B3GAT2: variants seen among roughly 807,000 people sequenced by gnomAD.
B3GAT2 encodes the protein galactosylgalactosylxylosylprotein 3-beta-glucuronosyltransferase 2.
Under a neutral mutation model 27.8 loss-of-function variants are expected in B3GAT2, and 26 were observed. That is an observed-to-expected ratio of 0.93 (90% CI 0.68 to 1.30). The LOEUF (loss-of-function observed/expected upper bound fraction) is 1.30. Ranked by LOEUF, B3GAT2 falls within the 50% of genes most tolerant of loss-of-function variation. B3GAT2 has a pLI of 0.00. For missense variants in B3GAT2, 458 were observed against 459.0 expected (o/e 1.00, Z 0.02); for synonymous variants, 218 against 195.1 (o/e 1.12, Z -0.98).
At chr6:70,871,324 G>A (rs781587799) in intron 2 of B3GAT2, among the ~76,000 whole-genome samples, 3 of 147,858 alleles carry the variant, frequency 2.0e-5, no homozygotes, top group Non-Finnish European at 4.5e-5. Flanking sequence ...TGGAGGATTT[G>A]TGAAGAATTG....
rs575024890 is a variant in B3GAT2, at chr6:70,890,625, T to G, written c.736+3503A>C. ...AAACCTGAGGAGATTGTGGGAAACA[T>G]CCAGTGTAGTCAGTTGATCAGAAGT... On this transcript the variant is annotated intron_variant, in intron 2 of 3. Transcript: ENST00000230053. Among the ~76,000 whole-genome samples the G allele has an allele frequency of 3.9e-5, 6 of 152,306 alleles. No individual in the cohort carries two copies. In the South Asian group the frequency reaches 1.2e-3, roughly 32 times the overall value.
intron 1 of B3GAT2, among the ~76,000 whole-genome samples, chr6:70,953,257 G>A (rs1162867369): frequency 6.6e-6 from 1 of 152,084 alleles, no homozygotes; most frequent in African/African-American, 2.4e-5. Context: ...CTGGTCCTAC[G>A]TTTTCTCCAG....
intron 1 of B3GAT2, among the ~76,000 whole-genome samples, chr6:70,938,654 A>C (rs1406284012): frequency 1.3e-5 from 2 of 152,034 alleles, no homozygotes; most frequent in African/African-American, 4.8e-5. Flanking sequence ...GCAATGGGGA[A>C]AGGATTCCCT....
At chr6:70,920,050 G>A (rs764910909) in intron 1 of B3GAT2, among the ~76,000 whole-genome samples, 34 of 152,136 alleles carry the variant, frequency 2.2e-4, no homozygotes, top group Non-Finnish European at 4.4e-4. Context: ...AGCTGCAGTG[G>A]GCTCCGTCCA....
At chr6:70,950,254 A>G (rs1264166899) in intron 1 of B3GAT2, among the ~76,000 whole-genome samples, 2 of 151,526 alleles carry the variant, frequency 1.3e-5, no homozygotes, top group African/African-American at 2.4e-5. Flanking sequence ...ATCAACCCAC[A>G]GAACAAAGAA....
intron 1 of B3GAT2, among the ~76,000 whole-genome samples, chr6:70,910,967 A>G (rs1398093196): frequency 6.6e-6 from 1 of 152,154 alleles, no homozygotes; most frequent in African/African-American, 2.4e-5. Context: ...GGTCACATGT[A>G]TGTCATCTTT....
At position 70,861,814 on chromosome 6, in the gene B3GAT2, C is replaced by T. The variant is rs1336807423; in HGVS notation, c.885+16G>A. The T allele has an allele frequency of 6.2e-7, 1 of 1,614,030 alleles. No homozygotes were observed. Among genetic ancestry groups the T allele is most frequent in the Admixed American group, 1.7e-5 (1 of 60,012 alleles). ...TGGTGACACTCGAGGTCGGGCAGCA[C>T]AAGTGTAATGAATACCTTAGTGCAG... On this transcript the variant is annotated intron_variant, in intron 3 of 3. Transcript: ENST00000230053.
intron 1 of B3GAT2, among the ~76,000 whole-genome samples, chr6:70,929,983 C>T (rs941260777): frequency 6.6e-6 from 1 of 152,112 alleles, no homozygotes; most frequent in Non-Finnish European, 1.5e-5. Flanking sequence ...GGTACTGATA[C>T]TAAAACAGAG....
At chr6:70,911,022 T>G (rs1281828005) in intron 1 of B3GAT2, among the ~76,000 whole-genome samples, 3 of 152,196 alleles carry the variant, frequency 2.0e-5, no homozygotes, top group Non-Finnish European at 2.9e-5. Context: ...AAAAATTTTT[T>G]TTTCTTGTAA....
Position 70,860,179 on chromosome 6 carries a change from A to G in B3GAT2, c.*1484T>C, listed in dbSNP as rs1771650038. 1 of 1,588,870 alleles carries G rather than the reference A, an allele frequency of 6.3e-7. No homozygotes were observed. The highest frequency in any genetic ancestry group is 8.6e-7 in the Non-Finnish European group (1 of 1,168,848). ...AAAGTGAAGTAAGCCTCTTGAACTAAGCCTTTTATATGTTTCACAGATGAA... is the reference window on the plus strand; with the variant it reads ...AAAGTGAAGTAAGCCTCTTGAACTAGGCCTTTTATATGTTTCACAGATGAA... On this transcript the variant is annotated 3_prime_UTR_variant, in exon 4 of 4. Coordinates refer to ENST00000230053, the MANE Select transcript of B3GAT2 (RefSeq NM_080742.3).
intron 1 of B3GAT2, among the ~76,000 whole-genome samples, chr6:70,950,705 C>G (rs1421289176): frequency 6.6e-6 from 1 of 152,154 alleles, no homozygotes; most frequent in Non-Finnish European, 1.5e-5. Flanking sequence ...CTGTACTCAC[C>G]AAGGGACTGC....
chr6:70,938,577 C>T (rs1765335458), intron 1 of B3GAT2, among the ~76,000 whole-genome samples: 1 of 150,214 alleles, frequency 6.7e-6, no homozygotes, highest in South Asian at 2.1e-4. Flanking sequence ...TGGAACAGAA[C>T]AGAGCCCTCA....
chr6:70,864,233 C>T (rs2150021175), intron 2 of B3GAT2, among the ~76,000 whole-genome samples: 1 of 152,104 alleles, frequency 6.6e-6, no homozygotes, highest in East Asian at 1.9e-4. Flanking sequence ...TGATATGGAG[C>T]CACCTGGATC....
At chr6:70,936,901 A>G (rs1490070016) in intron 1 of B3GAT2, among the ~76,000 whole-genome samples, 1 of 152,140 alleles carries the variant, frequency 6.6e-6, no homozygotes, top group Non-Finnish European at 1.5e-5. Flanking sequence ...AATAACTAAA[A>G]TCAGAGCAGA....
chr6:70,940,684 T>C (rs1359948122), intron 1 of B3GAT2, among the ~76,000 whole-genome samples: 1 of 152,058 alleles, frequency 6.6e-6, no homozygotes, highest in Non-Finnish European at 1.5e-5. Context: ...TCCCAGCACT[T>C]TGGGAAACCG....
At chr6:70,883,813 G>T (rs1007503881) in intron 2 of B3GAT2, among the ~76,000 whole-genome samples, 1 of 152,042 alleles carries the variant, frequency 6.6e-6, no homozygotes, top group African/African-American at 2.4e-5. Context: ...ATTGTTGCTG[G>T]TGTTTTTCAG....
At chr6:70,946,653 T>C (rs1765488658) in intron 1 of B3GAT2, among the ~76,000 whole-genome samples, 1 of 152,080 alleles carries the variant, frequency 6.6e-6, no homozygotes, top group South Asian at 2.1e-4. Context: ...CACCCCACTG[T>C]CAACATTAGA....
intron 1 of B3GAT2, among the ~76,000 whole-genome samples, chr6:70,951,428 C>G (rs1765577299): frequency 6.6e-6 from 1 of 152,060 alleles, no homozygotes; most frequent in Non-Finnish European, 1.5e-5. Flanking sequence ...GCAGCAACAG[C>G]CTAAATGTTT....
At chr6:70,931,788 G>C (rs1235995433) in intron 1 of B3GAT2, among the ~76,000 whole-genome samples, 2 of 151,954 alleles carry the variant, frequency 1.3e-5, no homozygotes, top group Non-Finnish European at 2.9e-5. Context: ...GCACAAAATA[G>C]AAAATTATAT....
Sources: gnomAD v4.1 joint callset for allele counts (sites outside exome capture counted in the v4.1 genomes callset) on GRCh38, gnomAD v4.1.1 for gene constraint, MANE v1.5 for transcripts, NCBI Gene and HGNC (gene_info 2026-07-23, HGNC 2026-07-21) for gene names.